PPEF1: variants seen among roughly 807,000 people sequenced by gnomAD.
PPEF1 encodes the protein protein phosphatase with EF-hand domain 1.
PPEF1 carries 12 observed loss-of-function variants against 53.3 expected under a neutral mutation model. That is an observed-to-expected ratio of 0.23 (90% CI 0.14 to 0.36). PPEF1 has a LOEUF of 0.36. PPEF1 is among the 10% of genes least tolerant of loss of function. The pLI, the probability that PPEF1 is intolerant of heterozygous loss-of-function variation, is 1.00. For synonymous variants in PPEF1, 165 were observed against 176.7 expected (o/e 0.93, Z 0.52); for missense variants, 334 against 490.4 (o/e 0.68, Z 3.01).
At chrX:18,765,735 A>G (rs2045751671) in intron 6 of PPEF1, among the ~76,000 whole-genome samples, 1 of 111,604 alleles carries the variant, frequency 9.0e-6, no homozygotes, top group African/African-American at 3.3e-5. Context: ...GGAATTTATA[A>G]TAAGTGAATA....
At chrX:18,745,731 C>A (rs1282106045) in intron 3 of PPEF1, among the ~76,000 whole-genome samples, 1 of 111,331 alleles carries the variant, frequency 9.0e-6, no homozygotes, top group African/African-American at 3.3e-5. Context: ...ATTTATAAAG[C>A]GATGTTAAGG....
chrX:18,689,450 C>T (rs1317772949), intron 3 of PPEF1, among the ~76,000 whole-genome samples: 1 of 105,756 alleles, frequency 9.5e-6, no homozygotes, highest in Non-Finnish European at 2.0e-5. Context: ...CCACTGCACT[C>T]CAGCCTGGGC....
intron 10 of PPEF1, among the ~76,000 whole-genome samples, chrX:18,793,017 A>G (rs2046352038): frequency 9.1e-6 from 1 of 109,471 alleles, no homozygotes; most frequent in South Asian, 3.9e-4. Context: ...CCCTGCCTCC[A>G]GACCTTATTT....
chrX:18,676,345 TC>T (rs199758046), intron 1 of PPEF1, among the ~76,000 whole-genome samples: 1 of 108,698 alleles, frequency 9.2e-6, no homozygotes, highest in Non-Finnish European at 1.9e-5. Flanking sequence ...TGCCATGTAA[TC>T]CCCCCCACAC....
intron 9 of PPEF1, among the ~76,000 whole-genome samples, chrX:18,785,132 T>G (rs2046173047): frequency 8.9e-6 from 1 of 111,772 alleles, no homozygotes; most frequent in Non-Finnish European, 1.9e-5. Context: ...TTGGACCCTT[T>G]ATACACATGT....
intron 10 of PPEF1, among the ~76,000 whole-genome samples, chrX:18,790,499 G>A (rs999284560): frequency 3.6e-5 from 4 of 110,735 alleles, no homozygotes; most frequent in African/African-American, 9.8e-5. Flanking sequence ...TTGGTTGCTC[G>A]TGTTTTTGGT....
At chrX:18,699,914 T>G (rs916265109) in intron 5 of PPEF1, 1 of 112,934 alleles carries the variant, frequency 8.9e-6, no homozygotes, top group African/African-American at 3.2e-5. Context: ...CTGCTCTTAT[T>G]TACTGAAATT....
chrX:18,694,595 G>T (rs1341928295), intron 4 of PPEF1, among the ~76,000 whole-genome samples: 1 of 111,252 alleles, frequency 9.0e-6, no homozygotes, highest in Non-Finnish European at 1.9e-5. Context: ...AAATTAGCCG[G>T]GCATGGTGGC....
chrX:18,687,908 C>T (rs1317659847), intron 3 of PPEF1, among the ~76,000 whole-genome samples: 1 of 110,583 alleles, frequency 9.0e-6, no homozygotes, highest in Non-Finnish European at 1.9e-5. Context: ...AGGCTGGTCT[C>T]GAACTTCAGA....
intron 1 of PPEF1, among the ~76,000 whole-genome samples, chrX:18,709,024 T>C (rs1292856589): frequency 8.9e-6 from 1 of 112,225 alleles, no homozygotes; most frequent in African/African-American, 3.2e-5. Flanking sequence ...TTTTCAACTT[T>C]TAAAACATTG....
intron 12 of PPEF1, among the ~76,000 whole-genome samples, chrX:18,807,732 T>C (rs2046702939): frequency 9.0e-6 from 1 of 111,325 alleles, no homozygotes; most frequent in African/African-American, 3.3e-5. Flanking sequence ...CGATCTTGGC[T>C]CACTGCAACC....
chrX:18,725,292 A>C lies in PPEF1; in HGVS notation c.47-4889A>C, dbSNP rs767438784. 1.3e-4 allele frequency among the ~76,000 whole-genome samples: 15 copies of C among 111,563 alleles called. No homozygotes were observed. In the South Asian group the frequency reaches 5.3e-3, roughly 39 times the overall value. ...TACCACCCTAGAGTTGAGAGAACAAAGGGAAAAGGGTGGAATTATTCCGGT... is the reference window on the plus strand; with the variant it reads ...TACCACCCTAGAGTTGAGAGAACAACGGGAAAAGGGTGGAATTATTCCGGT... On this transcript the variant is annotated intron_variant, in intron 1 of 15. Coordinates refer to ENST00000470157, the MANE Select transcript of PPEF1 (RefSeq NM_001377996.1).
intron 15 of PPEF1, among the ~76,000 whole-genome samples, chrX:18,826,694 G>A (rs754382478): frequency 2.7e-5 from 3 of 110,016 alleles, no homozygotes; most frequent in East Asian, 5.7e-4. Flanking sequence ...CCAAAGTGCT[G>A]GGATTACAGG....
At chrX:18,690,622 G>A (rs974347629) in intron 3 of PPEF1, among the ~76,000 whole-genome samples, 5 of 112,014 alleles carry the variant, frequency 4.5e-5, no homozygotes, top group African/African-American at 1.6e-4. Flanking sequence ...TGATCTACCC[G>A]CCTTGGCCTC....
chrX:18,712,651 A>G (rs2147300882), intron 1 of PPEF1, among the ~76,000 whole-genome samples: 1 of 112,025 alleles, frequency 8.9e-6, no homozygotes, highest in Admixed American at 9.5e-5. Context: ...CTACAATGTC[A>G]AATAGAAATG....
At chrX:18,746,573 G>A (rs2045334265) in intron 3 of PPEF1, among the ~76,000 whole-genome samples, 1 of 111,551 alleles carries the variant, frequency 9.0e-6, no homozygotes, top group African/African-American at 3.3e-5. Flanking sequence ...TAACAAGACT[G>A]AGTCTTCATA....
chrX:18,698,905 G>A (rs1434990200), intron 5 of PPEF1, among the ~76,000 whole-genome samples: 2 of 111,922 alleles, frequency 1.8e-5, no homozygotes, highest in Admixed American at 9.5e-5. Context: ...ATAATTGGAC[G>A]CACACATGGC....
upstream of PPEF1, among the ~76,000 whole-genome samples, chrX:18,678,267 T>TA (rs888599624): frequency 6.5e-5 from 7 of 108,309 alleles, no homozygotes; most frequent in African/African-American, 1.0e-4. Flanking sequence ...CCCATCTCTA[T>TA]AAAAAAATAC....
At chrX:18,714,518 G>A (rs1290508678) in intron 1 of PPEF1, among the ~76,000 whole-genome samples, 1 of 111,241 alleles carries the variant, frequency 9.0e-6, no homozygotes, top group Non-Finnish European at 1.9e-5. Flanking sequence ...TGGTTCGCCC[G>A]CCTCGGCCTC....
Sources: gnomAD v4.1 joint callset for allele counts (sites outside exome capture counted in the v4.1 genomes callset) on GRCh38, gnomAD v4.1.1 for gene constraint, MANE v1.5 for transcripts, NCBI Gene and HGNC (gene_info 2026-07-23, HGNC 2026-07-21) for gene names.